Variants in TTC13 observed in about 807,000 individuals in gnomAD.
The protein encoded by TTC13 is tetratricopeptide repeat protein 13.
A neutral mutation model predicts 120.0 loss-of-function variants in TTC13; 62 were observed. That is an observed-to-expected ratio of 0.52 (90% confidence interval 0.42 to 0.64). The LOEUF is 0.64. TTC13 is among the 30% of genes least tolerant of loss of function. The pLI is 0.00. For synonymous variants in TTC13, 384 were observed against 393.5 expected (o/e 0.98, Z 0.28); for missense variants, 824 against 1,050.2 (o/e 0.78, Z 2.98).
At chr1:230,972,831 T>C (rs185693511) in intron 1 of TTC13, among the ~76,000 whole-genome samples, 43 of 152,314 alleles carry the variant, frequency 2.8e-4, no homozygotes, top group Non-Finnish European at 5.3e-4. Context: ...GCCATCGTCA[T>C]AGGGCTTATG....
At chr1:230,951,718 T>G (rs1217872305) in intron 4 of TTC13, among the ~76,000 whole-genome samples, 1 of 151,672 alleles carries the variant, frequency 6.6e-6, no homozygotes, top group Non-Finnish European at 1.5e-5. Flanking sequence ...GCAAGAAATT[T>G]TATCACTACA....
rs1243557290 is a variant in TTC13, at chr1:230,906,491, T to C, written c.*414A>G. The C allele has an allele frequency of 6.6e-6, 1 of 152,648 alleles. No individual in the cohort carries two copies. Among genetic ancestry groups the C allele is most frequent in the Non-Finnish European group, 1.5e-5 (1 of 68,298 alleles). The allele number at this position is 152,648 out of a possible 1,614,324, so 9.5% of individuals were successfully genotyped here. ...ACGTGAGTCAACAAAAGATGCTCTATCACAATGTGCGTAAAAAGCAAGTCT... is the reference window on the plus strand; with the variant it reads ...ACGTGAGTCAACAAAAGATGCTCTACCACAATGTGCGTAAAAAGCAAGTCT... On this transcript the variant is annotated 3_prime_UTR_variant, in exon 23 of 23. Coordinates refer to ENST00000366661, the MANE Select transcript of TTC13 (RefSeq NM_024525.5).
intron 18 of TTC13, among the ~76,000 whole-genome samples, chr1:230,915,793 C>A (rs551727928): frequency 0.02 from 2,919 of 146,496 alleles, 28 homozygotes; most frequent in Middle Eastern, 0.021. Flanking sequence ...CTCTCTCTCT[C>A]TCTCTATATA....
intron 21 of TTC13, 41 bp from the exon 22 acceptor site, chr1:230,908,832 G>C (rs1236459684): frequency 2.5e-6 from 4 of 1,607,528 alleles, no homozygotes; most frequent in Non-Finnish European, 3.4e-6. Context: ...TAAACATGGA[G>C]GACACAGGCT....
chr1:230,975,490 T>C (rs1678193876), intron 1 of TTC13, among the ~76,000 whole-genome samples: 1 of 152,234 alleles, frequency 6.6e-6, no homozygotes, highest in Non-Finnish European at 1.5e-5. Flanking sequence ...AAAATACTTC[T>C]GTTCATCATT....
chr1:230,907,633 G>A (rs1379545754), intron 22 of TTC13, among the ~76,000 whole-genome samples: 2 of 152,196 alleles, frequency 1.3e-5, no homozygotes, highest in Non-Finnish European at 2.9e-5. Context: ...CCAGGACAAG[G>A]TGTAACTGTT....
chr1:230,935,276 C>T (rs912424282), intron 8 of TTC13, among the ~76,000 whole-genome samples: 2 of 152,144 alleles, frequency 1.3e-5, no homozygotes, highest in Admixed American at 6.5e-5. Flanking sequence ...AAGGATGAGC[C>T]AGTCATTATC....
At chr1:230,952,131 C>A (rs896797910) in intron 4 of TTC13, among the ~76,000 whole-genome samples, 4 of 152,150 alleles carry the variant, frequency 2.6e-5, no homozygotes, top group Non-Finnish European at 5.9e-5. Context: ...GAGACAGGTT[C>A]TTGCTCTCTA....
chr1:230,978,751 A>G lies in TTC13; in HGVS notation c.80T>C (p.Leu27Pro), dbSNP rs1479578768. 4.0e-6 allele frequency: 6 copies of G among 1,499,620 alleles called. No individual in the cohort carries two copies. Among genetic ancestry groups the G allele is most frequent in the Non-Finnish European group, 4.4e-6 (5 of 1,132,986 alleles). 92.9% of individuals were successfully genotyped at this position (1,499,620 alleles called of 1,614,324 possible). Residue 27 changes from leucine to proline, a missense_variant, in exon 1 of 23, where the codon CTG (leucine) becomes CCG (proline). Leu to Pro is a moderately conservative substitution (Grantham distance 98). This residue lies in a region of TTC13 where 160 missense variants were observed against 137.2 expected (regional missense o/e 1.17). Transcript: ENST00000366661. The surrounding 1 kb of genome is among the most constrained non-coding windows in gnomAD (Gnocchi z 5.6). ...VAAAGAARRV[L>P]LLLLLGVLSA... is the part of the protein sequence containing the mutation. ...CAGGACCCCCAGCAGCAGCAGCAGCAGGACACGCCGGGCGGCGCCCGCGGC... is the reference window on the plus strand; with the variant it reads ...CAGGACCCCCAGCAGCAGCAGCAGCGGGACACGCCGGGCGGCGCCCGCGGC...
Position 230,911,539 on chromosome 1 carries a change from G to A in TTC13, c.2240C>T (p.Ala747Val). ...TAAGGATAAGATTAAGTTGCAGACA[G>A]CATCAGCCTCCTAGAAAAAAAAGAT... is the stretch of plus-strand genomic sequence containing the variant. Reference protein sequence around the residue: ...ILSSEFGEADAVCNLILSLVY... With the variant: ...ILSSEFGEADVVCNLILSLVY... Residue 747 changes from alanine (A) to valine (V), a missense_variant, in exon 20 of 23, where the codon GCT becomes GTT. Around this residue, in one of 4 missense-constraint regions of TTC13, gnomAD observed 226 missense variants for 259.1 expected, o/e 0.87. Transcript: ENST00000366661. 1 of 1,581,668 alleles carries A rather than the reference G, an allele frequency of 6.3e-7. No homozygotes were observed. Among genetic ancestry groups the A allele is most frequent in the African/African-American group, 1.4e-5 (1 of 70,388 alleles).
At chr1:230,918,191 A>G (rs1388575205) in intron 17 of TTC13, among the ~76,000 whole-genome samples, 1 of 152,244 alleles carries the variant, frequency 6.6e-6, no homozygotes, top group African/African-American at 2.4e-5. Context: ...GTTTTCATAC[A>G]TACTGAATTT....
In TTC13 at chr1:230,940,834, C is replaced by T. The variant is rs2153051; in HGVS notation, c.673-278G>A. On this transcript the variant is annotated intron_variant, in intron 6 of 22. Transcript: ENST00000366661. This position sits in a 1 kb window ranked among gnomAD's most constrained non-coding sequence, Gnocchi z 4.1. Reference sequence around the variant, plus strand: ...TGGGTTGTATCAGATGTTGCTTTTCCTGCAATGTGATTTTTTTTCTTGATT... The same window carrying T: ...TGGGTTGTATCAGATGTTGCTTTTCTTGCAATGTGATTTTTTTTCTTGATT... Among the ~76,000 whole-genome samples, 103,265 of 152,080 alleles carry T rather than the reference C, an allele frequency of 0.68. 35,161 individuals carry two copies. Among genetic ancestry groups the T allele is most frequent in the Admixed American group, 0.72 (11,017 of 15,294 alleles).
At chr1:230,909,447 A>G (rs1474363721) in intron 20 of TTC13, among the ~76,000 whole-genome samples, 1 of 152,240 alleles carries the variant, frequency 6.6e-6, no homozygotes, top group African/African-American at 2.4e-5. Flanking sequence ...CCTGACCAAC[A>G]TGGCAAAACC....
At chr1:230,909,272 G>A (rs1051227279) in intron 20 of TTC13, among the ~76,000 whole-genome samples, 1 of 152,226 alleles carries the variant, frequency 6.6e-6, no homozygotes, top group Non-Finnish European at 1.5e-5. Context: ...GGGAGGCCAA[G>A]GTGGGCGGAT....
At chr1:230,951,059 A>G (rs1360048560) in intron 4 of TTC13, among the ~76,000 whole-genome samples, 1 of 152,214 alleles carries the variant, frequency 6.6e-6, no homozygotes, top group African/African-American at 2.4e-5. Context: ...ATACTTCTGT[A>G]AAGGAAAATC....
chr1:230,931,598 G>A (rs959064020), intron 10 of TTC13, 126 bp from the exon 11 acceptor site: 2 of 1,454,364 alleles, frequency 1.4e-6, no homozygotes, highest in Non-Finnish European at 1.9e-6. Context: ...TACAGGACAA[G>A]AGCAATGATT....
intron 4 of TTC13, among the ~76,000 whole-genome samples, chr1:230,946,941 G>A (rs1172528688): frequency 1.3e-5 from 2 of 151,992 alleles, no homozygotes; most frequent in African/African-American, 2.4e-5. Flanking sequence ...ATACTTATAC[G>A]TGATTGTGTG....
intron 17 of TTC13, among the ~76,000 whole-genome samples, chr1:230,918,809 A>G (rs1486354568): frequency 6.6e-6 from 1 of 152,184 alleles, no homozygotes; most frequent in African/African-American, 2.4e-5. Flanking sequence ...CTTCCTTGCT[A>G]TTCCTTAGAA....
chr1:230,963,178 T>C (rs1176597623), intron 1 of TTC13, among the ~76,000 whole-genome samples: 1 of 152,188 alleles, frequency 6.6e-6, no homozygotes, highest in Non-Finnish European at 1.5e-5. Flanking sequence ...AATTATAATA[T>C]CAAAATCAGT....
Sources: gnomAD v4.1 joint callset for allele counts (sites outside exome capture counted in the v4.1 genomes callset) on GRCh38, gnomAD v4.1.1 for gene constraint, gnomAD v4.1.1 regional missense constraint, Gnocchi (gnomAD v3.1) non-coding constraint, MANE v1.5 for transcripts, NCBI Gene and HGNC (gene_info 2026-07-23, HGNC 2026-07-21) for gene names.